Variants in ATP10D observed in about 807,000 individuals in gnomAD.
ATP10D encodes ATPase phospholipid transporting 10D (putative).
In ATP10D, 89 loss-of-function variants were observed where a neutral mutation model predicts 144.8. The observed-to-expected ratio is 0.61, with a 90% CI of 0.52 to 0.73. The LOEUF (loss-of-function observed/expected upper bound fraction) is 0.73, where lower values mean the gene tolerates loss of function less well. Among genes scored for constraint, ATP10D ranks in the 30% least tolerant of loss-of-function variants. ATP10D has a pLI of 0.00. For synonymous variants in ATP10D, 571 were observed against 615.1 expected, an observed-to-expected ratio of 0.93 and a Z score of 1.06; for missense variants, 1,603 against 1,714.8, an observed-to-expected ratio of 0.93 and a Z score of 1.15.
chr4:47,521,037 T>C (rs1482852835), intron 3 of ATP10D, among the ~76,000 whole-genome samples: 1 of 152,140 alleles, frequency 6.6e-6, no homozygotes, highest in Non-Finnish European at 1.5e-5. Flanking sequence ...TTTCAACTAT[T>C]GTGACTCCCT....
At chr4:47,498,795 A>C (rs1411109687) in intron 1 of ATP10D, among the ~76,000 whole-genome samples, 1 of 152,226 alleles carries the variant, frequency 6.6e-6, no homozygotes, top group Non-Finnish European at 1.5e-5. Context: ...AACAGGTATT[A>C]AATCATTTTA....
At chr4:47,520,863 G>A (rs557025712) in intron 3 of ATP10D, among the ~76,000 whole-genome samples, 8 of 152,182 alleles carry the variant, frequency 5.3e-5, no homozygotes, top group South Asian at 4.2e-4. Context: ...CACCGTGCCC[G>A]GCCTCTGTAA....
chr4:47,546,230 T>A (rs953072392), intron 9 of ATP10D, among the ~76,000 whole-genome samples: 1 of 152,078 alleles, frequency 6.6e-6, no homozygotes, highest in African/African-American at 2.4e-5. Flanking sequence ...ATGAAATTAC[T>A]TAAAGAAAGA....
rs750573173 is a variant in ATP10D at position 47,576,911 on chromosome 4, G to A, written c.3505G>A (p.Asp1169Asn). 9.9e-6 allele frequency: 16 copies of A among 1,614,048 alleles called. No homozygotes were observed. The highest frequency in any genetic ancestry group is 8.5e-7 in the Non-Finnish European group (1 of 1,180,042). ...TGTCATTTATGGTGTTTTGGAGAAA[G>A]ATGTGTCTGCAGAGACCCTCATGCA... ...PPVIYGVLEK[D>N]VSAETLMQLP... Residue 1169 changes from aspartate (D) to asparagine (N), a missense_variant, in exon 19 of 23, where the codon GAT (aspartate) becomes AAT (asparagine). Coordinates refer to ENST00000273859, the MANE Select transcript of ATP10D (RefSeq NM_020453.4).
At chr4:47,570,591 G>A (rs1458430156) in intron 16 of ATP10D, among the ~76,000 whole-genome samples, 1 of 152,070 alleles carries the variant, frequency 6.6e-6, no homozygotes, top group Non-Finnish European at 1.5e-5. Flanking sequence ...ATCACTTGAG[G>A]TCAGGAGTTC....
At chr4:47,526,134 G>A (rs1432867284) in intron 5 of ATP10D, among the ~76,000 whole-genome samples, 2 of 152,164 alleles carry the variant, frequency 1.3e-5, no homozygotes, top group African/African-American at 4.8e-5. Flanking sequence ...TATCCTACAT[G>A]AGCATAGATG....
At chr4:47,555,345 C>G (rs147495381) in intron 11 of ATP10D, among the ~76,000 whole-genome samples, 9 of 152,332 alleles carry the variant, frequency 5.9e-5, no homozygotes, top group African/African-American at 1.9e-4. Context: ...TCCCACCCAA[C>G]CCGTCTGTGG....
intron 1 of ATP10D, among the ~76,000 whole-genome samples, chr4:47,508,205 G>T (rs754072917): frequency 1.8e-4 from 27 of 152,116 alleles, no homozygotes; most frequent in Non-Finnish European, 3.1e-4. Flanking sequence ...AATGAGATTA[G>T]GTAGTATGAA....
chr4:47,563,110 C>G (rs1719409470), intron 14 of ATP10D, among the ~76,000 whole-genome samples: 1 of 152,028 alleles, frequency 6.6e-6, no homozygotes, highest in African/African-American at 2.4e-5. Context: ...GAGAAATTAC[C>G]TAACAGGTAC....
intron 1 of ATP10D, among the ~76,000 whole-genome samples, chr4:47,511,967 T>C (rs1375434553): frequency 6.6e-6 from 1 of 152,234 alleles, no homozygotes; most frequent in Non-Finnish European, 1.5e-5. Context: ...GCAAGGCACA[T>C]GGCCAAGCCC....
chr4:47,555,320 C>T (rs1457194585), intron 11 of ATP10D, among the ~76,000 whole-genome samples: 2 of 152,186 alleles, frequency 1.3e-5, no homozygotes, highest in African/African-American at 4.8e-5. Flanking sequence ...GAATCTAATA[C>T]CTGATGATCT....
intron 16 of ATP10D, among the ~76,000 whole-genome samples, chr4:47,571,291 AT>A (rs1719937981): frequency 6.7e-6 from 1 of 148,482 alleles, no homozygotes; most frequent in Non-Finnish European, 1.5e-5. Flanking sequence ...TTATAATTAT[AT>A]TTATCATATA....
At chr4:47,541,043 C>G (rs1248404081) in intron 9 of ATP10D, among the ~76,000 whole-genome samples, 1 of 152,220 alleles carries the variant, frequency 6.6e-6, no homozygotes, top group Non-Finnish European at 1.5e-5. Flanking sequence ...CCCATTTCCA[C>G]TACCTACAAG....
At chr4:47,496,555 C>T (rs1212803292) in intron 1 of ATP10D, among the ~76,000 whole-genome samples, 8 of 152,078 alleles carry the variant, frequency 5.3e-5, no homozygotes, top group Non-Finnish European at 1.2e-4. Flanking sequence ...AGAAGTAAGA[C>T]AAGTAAGAGC....
intron 16 of ATP10D, among the ~76,000 whole-genome samples, chr4:47,571,735 T>TA (rs1166541225): frequency 2.0e-5 from 3 of 152,030 alleles, no homozygotes; most frequent in Admixed American, 6.6e-5. Context: ...ATCTGATCTT[T>TA]AAAAAAAGTA....
At chr4:47,567,257 C>T (rs557603019) in intron 15 of ATP10D, among the ~76,000 whole-genome samples, 1 of 152,240 alleles carries the variant, frequency 6.6e-6, no homozygotes, top group Non-Finnish European at 1.5e-5. Context: ...GTGGAATCCA[C>T]AGATAATGAA....
At chr4:47,488,072 G>A (rs997143037) in intron 1 of ATP10D, among the ~76,000 whole-genome samples, 2 of 152,146 alleles carry the variant, frequency 1.3e-5, no homozygotes, top group Non-Finnish European at 2.9e-5. Flanking sequence ...AATCGCATAT[G>A]AAGATTTATA....
chr4:47,587,374 A>G (rs1720841225), intron 22 of ATP10D, among the ~76,000 whole-genome samples, 168 bp downstream of exon 22: 1 of 152,192 alleles, frequency 6.6e-6, no homozygotes, highest in Non-Finnish European at 1.5e-5. Flanking sequence ...TCAGAGAACA[A>G]AAGTGGCTTA....
chr4:47,526,551 T>A (rs1717255022), intron 5 of ATP10D, among the ~76,000 whole-genome samples: 1 of 152,064 alleles, frequency 6.6e-6, no homozygotes, highest in Non-Finnish European at 1.5e-5. Context: ...GAAAAGGAAA[T>A]GAAAGATATC....
Sources: allele counts gnomAD v4.1 joint callset (sites outside exome capture counted in the v4.1 genomes callset), GRCh38; gene constraint gnomAD v4.1.1; transcripts MANE v1.5; gene names NCBI Gene and HGNC (gene_info 2026-07-23, HGNC 2026-07-21).